The following EIF4G3 variants were observed in gnomAD, a reference collection of about 807,000 sequenced individuals.
EIF4G3 encodes eIF-4-gamma 3.
Under a neutral mutation model 186.4 loss-of-function variants are expected in EIF4G3, and 34 were observed. That is an observed-to-expected ratio of 0.18 (90% CI 0.14 to 0.24). The LOEUF is 0.24. Among genes scored for constraint, EIF4G3 ranks in the 10% least tolerant of loss-of-function variants. The pLI, the probability that EIF4G3 is intolerant of heterozygous loss-of-function variation, is 1.00. For synonymous variants in EIF4G3, 673 were observed against 679.5 expected (o/e 0.99, Z 0.15); for missense variants, 1,536 against 1,948.5 (o/e 0.79, Z 3.99).
At chr1:20,829,072 T>A (rs764420237) in intron 31 of EIF4G3, 75 bp downstream of exon 31, 1 of 1,519,028 alleles carries the variant, frequency 6.6e-7, no homozygotes, top group East Asian at 2.3e-5. Context: ...GGGACAGTAC[T>A]ATGATAGAGA....
intron 14 of EIF4G3, among the ~76,000 whole-genome samples, chr1:20,913,185 T>C (rs1163691146): frequency 4.6e-5 from 7 of 152,164 alleles, no homozygotes; most frequent in Non-Finnish European, 1.5e-5. Flanking sequence ...CACAAAGAGC[T>C]TGAATTACAT....
At chr1:21,030,442 G>T (rs1355258658) in intron 4 of EIF4G3, among the ~76,000 whole-genome samples, 1 of 152,174 alleles carries the variant, frequency 6.6e-6, no homozygotes, top group Non-Finnish European at 1.5e-5. Context: ...ATCCATGTAA[G>T]ATGTGACTTG....
At chr1:20,846,925 T>A (rs999817944) in intron 29 of EIF4G3, among the ~76,000 whole-genome samples, 8 of 152,190 alleles carry the variant, frequency 5.3e-5, no homozygotes, top group African/African-American at 1.9e-4. Context: ...AAACCCTCAA[T>A]AAATATTAAT....
chr1:21,076,993 G>A (rs2095608668), intron 3 of EIF4G3, among the ~76,000 whole-genome samples: 1 of 152,134 alleles, frequency 6.6e-6, no homozygotes, highest in Admixed American at 6.5e-5. Context: ...AGTCAACAGA[G>A]TAAAGAGACA....
chr1:20,837,428 T>C (rs3767240), intron 30 of EIF4G3, among the ~76,000 whole-genome samples: 50,584 of 151,916 alleles, frequency 0.33, 9,108 homozygotes, highest in Non-Finnish European at 0.4. Context: ...ATGGTCTCGA[T>C]CTCCTGACCT....
chr1:20,907,461 T>C (rs1257355125), intron 14 of EIF4G3, among the ~76,000 whole-genome samples: 1 of 152,074 alleles, frequency 6.6e-6, no homozygotes, highest in African/African-American at 2.4e-5. Context: ...TACATATGTA[T>C]ACATGTGCCA....
At chr1:20,858,035 A>T (rs1306425645) in intron 24 of EIF4G3, among the ~76,000 whole-genome samples, 2 of 152,136 alleles carry the variant, frequency 1.3e-5, no homozygotes, top group Non-Finnish European at 2.9e-5. Context: ...AGAATCTACT[A>T]CCAACATTAG....
intron 14 of EIF4G3, among the ~76,000 whole-genome samples, chr1:20,912,382 G>C (rs1378751398): frequency 2.0e-5 from 3 of 152,150 alleles, no homozygotes; most frequent in African/African-American, 4.8e-5. Context: ...ATTAGCTGAA[G>C]ATCTTGTGGC....
intron 2 of EIF4G3, among the ~76,000 whole-genome samples, chr1:21,121,702 G>A (rs1001656821): frequency 9.2e-5 from 14 of 151,736 alleles, no homozygotes; most frequent in Non-Finnish European, 1.8e-4. Context: ...TTGAACCTGG[G>A]AGGCGGAGGT....
chr1:20,930,639 A>G (rs1391266097), intron 14 of EIF4G3, among the ~76,000 whole-genome samples: 1 of 152,072 alleles, frequency 6.6e-6, no homozygotes, highest in African/African-American at 2.4e-5. Context: ...GCCTCAAGCA[A>G]TCCTCCTGCC....
intron 2 of EIF4G3, among the ~76,000 whole-genome samples, chr1:21,170,081 A>G (rs1469844222): frequency 6.6e-6 from 1 of 152,158 alleles, no homozygotes; most frequent in Non-Finnish European, 1.5e-5. Context: ...AGGCTGAGGC[A>G]GGAGAATCAC....
chr1:21,173,480 A>T (rs1212798073), intron 2 of EIF4G3, among the ~76,000 whole-genome samples: 6 of 152,100 alleles, frequency 3.9e-5, no homozygotes, highest in Non-Finnish European at 2.9e-5. Flanking sequence ...TGAAGCCAGG[A>T]GTTCGAGACC....
At chr1:21,034,422 A>G (rs922822036) in intron 4 of EIF4G3, among the ~76,000 whole-genome samples, 4 of 152,352 alleles carry the variant, frequency 2.6e-5, no homozygotes, top group East Asian at 1.9e-4. Context: ...TCAAAAACAG[A>G]TATTTAATGA....
intron 2 of EIF4G3, among the ~76,000 whole-genome samples, chr1:21,110,730 C>G (rs1259270033): frequency 8.0e-6 from 1 of 125,084 alleles, no homozygotes. Flanking sequence ...CCACGCCCAG[C>G]CTTTTTTTGT....
chr1:21,024,924 G>T (rs2091830000), intron 4 of EIF4G3, among the ~76,000 whole-genome samples: 1 of 151,730 alleles, frequency 6.6e-6, no homozygotes, highest in African/African-American at 2.4e-5. Context: ...AGAAAGTGGT[G>T]TAAGGAGTAT....
At chr1:21,002,043 G>T (rs559136756) in intron 5 of EIF4G3, among the ~76,000 whole-genome samples, 3 of 152,224 alleles carry the variant, frequency 2.0e-5, no homozygotes, top group Non-Finnish European at 2.9e-5. Flanking sequence ...GGCAGGAAAC[G>T]ATGTTCTAAG....
chr1:21,059,519 A>C (rs2094771938), intron 3 of EIF4G3, among the ~76,000 whole-genome samples: 1 of 151,304 alleles, frequency 6.6e-6, no homozygotes, highest in South Asian at 2.1e-4. Flanking sequence ...AATTCTGTTA[A>C]TATCATTGCC....
At chr1:21,150,436 C>T (rs2097531745) in intron 2 of EIF4G3, among the ~76,000 whole-genome samples, 1 of 152,102 alleles carries the variant, frequency 6.6e-6, no homozygotes, top group Non-Finnish European at 1.5e-5. Flanking sequence ...CCTAATTCAT[C>T]ACAATGTGAG....
intron 4 of EIF4G3, among the ~76,000 whole-genome samples, chr1:21,039,670 C>A (rs934057919): frequency 7.2e-5 from 11 of 151,920 alleles, no homozygotes; most frequent in Non-Finnish European, 1.5e-4. Context: ...TCAAAAAAAT[C>A]CAAAAATTAA....
Sources: allele counts gnomAD v4.1 joint callset (sites outside exome capture counted in the v4.1 genomes callset), GRCh38; gene constraint gnomAD v4.1.1; transcripts MANE v1.5; gene names NCBI Gene and HGNC (gene_info 2026-07-23, HGNC 2026-07-21).